Variants in SOD2 observed in about 807,000 individuals in gnomAD.
The protein encoded by SOD2 is superoxide dismutase [Mn], mitochondrial.
A neutral mutation model predicts 27.0 loss-of-function variants in SOD2; 11 were observed. That is an observed-to-expected ratio of 0.41 (90% CI 0.26 to 0.67). SOD2 has a LOEUF of 0.67. SOD2 is among the 30% of genes least tolerant of loss of function. SOD2 has a pLI of 0.34. For missense variants in SOD2, 250 were observed against 274.5 expected (o/e 0.91, Z 0.63); for synonymous variants, 105 against 103.0 (o/e 1.02, Z -0.12).
chr6:159,741,407 A>G (rs12190141), intron 1 of SOD2, among the ~76,000 whole-genome samples: 2,965 of 152,294 alleles, frequency 0.019, 38 homozygotes, highest in Middle Eastern at 0.037. Context: ...GTATTTTCCC[A>G]AAAGAGCCAA....
At position 159,711,941 on chromosome 6, in the gene SOD2, CACATT is replaced by C. The variant is rs1451610959; in HGVS notation, c.-116+15183_-116+15187del. On this transcript the variant is annotated intron_variant, in intron 1 of 2. Coordinates refer to the SOD2 transcript ENST00000401980. ...CATAACCACCTCCACAACCACCACT[CACATT>C]GCTCTGATCACCATAACCACCTCCA... is the stretch of plus-strand genomic sequence containing the variant. Among the ~76,000 whole-genome samples, 84 of 125,134 alleles carry C rather than the reference CACATT, an allele frequency of 6.7e-4. 4 individuals carry two copies. The highest frequency in any genetic ancestry group is 2.4e-3 in the African/African-American group (81 of 34,398). 82.1% of individuals were successfully genotyped at this position (125,134 alleles called of 152,430 possible).
upstream of SOD2, chr6:159,748,085 GC>G: frequency 7.4e-7 from 1 of 1,358,562 alleles, no homozygotes; most frequent in East Asian, 2.4e-5. The surrounding 1 kb of genome is among the most constrained non-coding windows in gnomAD (Gnocchi z 5.6). Flanking sequence ...GAGGGGAGGA[GC>G]TTAATGAAAG....
intron 1 of SOD2, chr6:159,755,167 A>G (rs1232089674): frequency 6.2e-7 from 1 of 1,614,120 alleles, no homozygotes; most frequent in Non-Finnish European, 8.5e-7. Flanking sequence ...CCTCTGCCCC[A>G]AGTACCAGCA....
chr6:159,701,421 C>G (rs1208449481), intron 1 of SOD2, among the ~76,000 whole-genome samples: 1 of 151,970 alleles, frequency 6.6e-6, no homozygotes, highest in African/African-American at 2.4e-5. Context: ...GGTCACGGGA[C>G]CAAGCTGGGC....
chr6:159,704,127 T>C (rs1325338077), intron 1 of SOD2, among the ~76,000 whole-genome samples: 1 of 152,066 alleles, frequency 6.6e-6, no homozygotes, highest in Non-Finnish European at 1.5e-5. Context: ...CTAATAAAAA[T>C]ACAAAAATTA....
chr6:159,682,721 C>T, intron 4 of SOD2, 83 bp from the exon 5 acceptor site: 2 of 1,367,186 alleles, frequency 1.5e-6, no homozygotes, highest in Non-Finnish European at 2.0e-6. Flanking sequence ...TTTTATTATT[C>T]TACTCACACA....
At chr6:159,685,172 C>G in intron 3 of SOD2, 139 bp from the exon 4 acceptor site, 2 of 268,448 alleles carry the variant, frequency 7.5e-6, no homozygotes, top group Middle Eastern at 9.5e-4. Context: ...ACACCTGGAT[C>G]TAAGTTTCAC....
At chr6:159,742,537 C>T (rs912714077) in intron 1 of SOD2, among the ~76,000 whole-genome samples, 4 of 152,108 alleles carry the variant, frequency 2.6e-5, no homozygotes, top group African/African-American at 9.7e-5. Context: ...TTTATGACAG[C>T]TTAAATCAAT....
chr6:159,733,580 C>T (rs999869973), intron 1 of SOD2, among the ~76,000 whole-genome samples: 1 of 151,422 alleles, frequency 6.6e-6, no homozygotes, highest in African/African-American at 2.4e-5. Flanking sequence ...CATCATCGCA[C>T]CACTGCACTG....
intron 1 of SOD2, among the ~76,000 whole-genome samples, chr6:159,706,890 T>C (rs1218394389): frequency 6.6e-6 from 1 of 152,152 alleles, no homozygotes; most frequent in Non-Finnish European, 1.5e-5. Context: ...TCAGCAAATG[T>C]AAAAGAACAG....
rs1395757040 is a variant in SOD2, at chr6:159,755,213, G to A, written c.-336+5824C>T. 5 of 1,614,046 alleles carry A rather than the reference G, an allele frequency of 3.1e-6. No individual in the cohort carries two copies. Among genetic ancestry groups the A allele is most frequent in the Admixed American group, 3.3e-5 (2 of 60,004 alleles). On this transcript the variant is annotated intron_variant, in intron 1 of 7. Coordinates refer to the SOD2 transcript ENST00000546087. ...TTCTGAACCTGTAGAACAGTCAGAG[G>A]CCACAAGTAAAGACTGCAGTCGTCT... is the stretch of plus-strand genomic sequence containing the variant.
upstream of SOD2, among the ~76,000 whole-genome samples, chr6:159,729,996 G>A (rs1404277424): frequency 1.3e-5 from 2 of 152,080 alleles, no homozygotes; most frequent in African/African-American, 4.8e-5. Flanking sequence ...AAGAGTAGAT[G>A]GTGGTCCTGA....
chr6:159,714,029 AATTTTGGTGT>A (rs1378598431), intron 1 of SOD2: 6 of 687,504 alleles, frequency 8.7e-6, no homozygotes, highest in Non-Finnish European at 1.5e-5. Context: ...GGCGGAATGC[AATTTTGGTGT>A]AGTGGGCAAT....
chr6:159,727,018 C>T, intron 1 of SOD2: 5 of 1,241,610 alleles, frequency 4.0e-6, no homozygotes, highest in Non-Finnish European at 4.1e-6. Flanking sequence ...ACGAGGCAGC[C>T]CCGCAGCCGC....
Position 159,720,090 on chromosome 6 carries a change from G to A in SOD2, c.-116+7039C>T, listed in dbSNP as rs146536820. On this transcript the variant is annotated intron_variant, in intron 1 of 2. Transcript: ENST00000401980. ...CCGTCTCCCAGGCTGGAGTGCAGTG[G>A]CACGATCTCAGCTCATTGCAACCTC... 6.3e-3 allele frequency among the ~76,000 whole-genome samples: 942 copies of A among 149,482 alleles called. 12 individuals carry two copies. Among genetic ancestry groups the A allele is most frequent in the African/African-American group, 0.022 (909 of 40,568 alleles).
chr6:159,705,678 G>A (rs1349684637), intron 1 of SOD2, among the ~76,000 whole-genome samples: 1 of 152,186 alleles, frequency 6.6e-6, no homozygotes, highest in Non-Finnish European at 1.5e-5. Flanking sequence ...ATGGAACCAA[G>A]CTGGAAAACA....
At chr6:159,726,908 T>A (rs144507732) in intron 1 of SOD2, 12 of 1,288,996 alleles carry the variant, frequency 9.3e-6, no homozygotes, top group Non-Finnish European at 1.1e-5. Flanking sequence ...GCCTCTCTCT[T>A]GAGGTGGCAC....
rs561137158 is a variant in SOD2 at position 159,677,797 on chromosome 6, T to C, written c.*4696A>G. On this transcript the variant is annotated 3_prime_UTR_variant, in exon 5 of 5. Transcript: ENST00000538183. ...CCACAACCAGCTATTATGAGAAATA[T>C]ATAAAATACTATTTGTGATCATGTT... The C allele has an allele frequency of 1.3e-5, 2 of 152,308 alleles. No homozygotes were observed. Among genetic ancestry groups the C allele is most frequent in the South Asian group, 2.1e-4 (1 of 4,826 alleles). 9.4% of individuals were successfully genotyped at this position (152,308 alleles called of 1,614,324 possible). A position where few individuals can be genotyped will look rare whatever the true frequency, so the allele number is the denominator to read the frequency against.
chr6:159,761,667 C>A (rs1458954654), exon 1 of SOD2: 3 of 428,860 alleles, frequency 7.0e-6, no homozygotes, highest in Non-Finnish European at 1.4e-5. Flanking sequence ...TGTCACCCCC[C>A]AGTCTTTACT....
Sources: allele counts gnomAD v4.1 joint callset (sites outside exome capture counted in the v4.1 genomes callset), GRCh38; gene constraint gnomAD v4.1.1; non-coding constraint Gnocchi (gnomAD v3.1); transcripts MANE v1.5; gene names NCBI Gene and HGNC (gene_info 2026-07-23, HGNC 2026-07-21).